Variants in PRR4 observed in about 807,000 individuals in gnomAD.
PRR4 encodes proline rich 4, also known as proline-rich protein 4.
A neutral mutation model predicts 7.6 loss-of-function variants in PRR4; 7 were observed. That is an observed-to-expected ratio of 0.92 (90% CI 0.52 to 1.73). The LOEUF is 1.73. PRR4 is among the 40% of genes most tolerant of loss of function. PRR4 has a pLI of 0.00. For synonymous variants in PRR4, 64 were observed against 58.5 expected (o/e 1.09, Z -0.43); for missense variants, 187 against 161.0 (o/e 1.16, Z -0.87).
rs774652428 is a variant in PRR4 at position 10,847,338 on chromosome 12, G to T, written c.130C>A (p.Gln44Lys). 6.4e-7 allele frequency: 1 copy of T among 1,556,652 alleles called. No homozygotes were observed. The highest frequency in any genetic ancestry group is 2.3e-5 in the East Asian group (1 of 44,124). ...DVEDSSQRPD[Q>K]GPQRPPPEGL... is the part of the protein sequence containing the mutation. The stretch of plus-strand genomic sequence containing the variant: ...TCAGGAGGAGGTCTCTGGGGTCCCT[G>T]ATCTGGTCTCTGACTTGAGTCCTCT... The change falls in exon 3 of 4, where the codon CAG (glutamine) becomes AAG (lysine). Residue 44 changes from glutamine to lysine, a missense_variant. By Grantham distance (53) the Gln-to-Lys change is moderately conservative. Transcript: ENST00000228811.
At chr12:10,848,612 T>C (rs1286535935) in intron 1 of PRR4, 1 of 474,408 alleles carries the variant, frequency 2.1e-6, no homozygotes, top group Non-Finnish European at 3.7e-6. Context: ...CAACCACGAA[T>C]TCAATAGAAG....
intron 3 of PRR4, 110 bp downstream of exon 3, chr12:10,846,935 G>C: frequency 1.0e-6 from 1 of 965,054 alleles, no homozygotes; most frequent in South Asian, 3.1e-5. Flanking sequence ...TTTAGAAATG[G>C]GGTCCAGGAT....
At chr12:10,848,544 G>T in intron 1 of PRR4, 137 bp from the exon 2 acceptor site, 1 of 698,356 alleles carries the variant, frequency 1.4e-6, no homozygotes, top group Non-Finnish European at 2.3e-6. Context: ...GTTCTGTGAA[G>T]CTGCTGGAAG....
Position 10,845,870 on chromosome 12 carries a change from T to C in PRR4, c.*99A>G, listed in dbSNP as rs1010731367. 9.1e-7 allele frequency: 1 copy of C among 1,102,402 alleles called. No homozygotes were observed. Among genetic ancestry groups the C allele is most frequent in the Non-Finnish European group, 1.2e-6 (1 of 838,694 alleles). 68.3% of individuals were successfully genotyped at this position (1,102,402 alleles called of 1,614,324 possible). A position where few individuals can be genotyped will look rare whatever the true frequency, so the allele number is the denominator to read the frequency against. On this transcript the variant is annotated 3_prime_UTR_variant, in exon 4 of 4. Coordinates refer to ENST00000228811, the MANE Select transcript of PRR4 (RefSeq NM_007244.3). ...GAAATTGCATGCTATTAATATTTTATTGGTATACTGAAGAAAGAGTTATGA... is the reference window on the plus strand; with the variant it reads ...GAAATTGCATGCTATTAATATTTTACTGGTATACTGAAGAAAGAGTTATGA...
chr12:10,847,994 G>A (rs1356155407), intron 2 of PRR4, among the ~76,000 whole-genome samples: 1 of 152,158 alleles, frequency 6.6e-6, no homozygotes, highest in Non-Finnish European at 1.5e-5. Context: ...GTTACTCCCT[G>A]AAGCCACATA....
At chr12:10,846,497 T>C (rs561547012) in intron 3 of PRR4, among the ~76,000 whole-genome samples, 66 of 152,336 alleles carry the variant, frequency 4.3e-4, no homozygotes, top group Non-Finnish European at 5.9e-4. Context: ...GGCGTCACTT[T>C]AAGATTTAGC....
rs1320666137 is a variant in PRR4 at position 10,847,172 on chromosome 12, T to G, written c.296A>C (p.His99Pro). 1.2e-6 allele frequency: 2 copies of G among 1,613,806 alleles called. No individual in the cohort carries two copies. The highest frequency in any genetic ancestry group is 3.3e-5 in the Admixed American group (2 of 59,994). The change falls in exon 3 of 4, where the codon CAC (histidine) becomes CCC (proline). Residue 99 changes from histidine (H) to proline (P), a missense_variant. His to Pro is a moderately conservative substitution (Grantham distance 77). Coordinates refer to ENST00000228811, the MANE Select transcript of PRR4 (RefSeq NM_007244.3). Reference protein sequence around the residue: ...QNQQRPPRRGHRQLSLPRFPS... With the variant: ...QNQQRPPRRGPRQLSLPRFPS... ...AAATCGGGGTAGAGAGAGTTGACGGTGTCCTCGTCGGGGTGGTCGTTGCTG... is the reference window on the plus strand; with the variant it reads ...AAATCGGGGTAGAGAGAGTTGACGGGGTCCTCGTCGGGGTGGTCGTTGCTG...
At chr12:10,848,522 C>T (rs1194245843) in intron 1 of PRR4, 115 bp from the exon 2 acceptor site, 1 of 908,438 alleles carries the variant, frequency 1.1e-6, no homozygotes, top group Non-Finnish European at 1.7e-6. Context: ...CCTAAGTTAC[C>T]TCATCAACCA....
rs867149853 is a variant in PRR4, at chr12:10,845,957, C to T, written c.*19-7G>A. 2.0e-4 allele frequency: 206 copies of T among 1,039,210 alleles called. 1 individual carries two copies. The Middle Eastern group carries it at 4.8e-3, about 24-fold the overall frequency. The allele number at this position is 1,039,210 out of a possible 1,614,324, so 64.4% of individuals were successfully genotyped here. A position where few individuals can be genotyped will look rare whatever the true frequency, so the allele number is the denominator to read the frequency against. ...TTATCTTCTTATTTATTTTCTGAAACAAAAAAAAAAACCAAGGAAATTTAT... is the reference window on the plus strand; with the variant it reads ...TTATCTTCTTATTTATTTTCTGAAATAAAAAAAAAAACCAAGGAAATTTAT... On this transcript the variant is annotated splice_polypyrimidine_tract_variant and splice_region_variant and intron_variant, in intron 3 of 3. Coordinates refer to ENST00000228811, the MANE Select transcript of PRR4 (RefSeq NM_007244.3).
chr12:10,849,467 C>A lies in PRR4; in HGVS notation c.-30G>T, dbSNP rs2135741675. 5 of 1,557,410 alleles carry A rather than the reference C, an allele frequency of 3.2e-6. No individual in the cohort carries two copies. Among genetic ancestry groups the A allele is most frequent in the South Asian group, 1.2e-5 (1 of 84,210 alleles). ...AAGGAGGCTCTGGAGTTGCTCCCAA[C>A]TCTGCGTTGAGAGAAACATGGCAGC... On this transcript the variant is annotated 5_prime_UTR_variant, in exon 1 of 4. Coordinates refer to ENST00000228811, the MANE Select transcript of PRR4 (RefSeq NM_007244.3).
intron 1 of PRR4, chr12:10,849,085 C>T (rs1949061320): frequency 5.9e-6 from 1 of 170,678 alleles, no homozygotes; most frequent in Non-Finnish European, 1.3e-5. Context: ...CACAGCACAG[C>T]CAGGTCTTTC....
chr12:10,848,340 A>C (rs373146126), intron 2 of PRR4, 32 bp downstream of exon 2: 44 of 1,580,948 alleles, frequency 2.8e-5, no homozygotes, highest in Non-Finnish European at 3.6e-5. Context: ...AAAAGAAAGA[A>C]AAGAATTGGA....
intron 1 of PRR4, chr12:10,848,807 G>A (rs1548804): frequency 0.79 from 142,716 of 180,504 alleles, 59,231 homozygotes; most frequent in East Asian, 0.93. Context: ...TCTTACACAT[G>A]CTGCCTGCAA....
intron 3 of PRR4, 33 bp from the exon 4 acceptor site, chr12:10,845,983 A>T: frequency 2.3e-6 from 3 of 1,293,408 alleles, no homozygotes; most frequent in Non-Finnish European, 3.0e-6. Flanking sequence ...GGAAATTTAT[A>T]CACAACATAC....
rs182143804 is a variant in PRR4, at chr12:10,847,944, G to A, written c.100+428C>T. On this transcript the variant is annotated intron_variant, in intron 2 of 3. Transcript: ENST00000228811. ...ACACAGCTGAGTGGGTCAACACAGAGAAAAGACATTCATGCAGTGATTTTT... is the reference window on the plus strand; with the variant it reads ...ACACAGCTGAGTGGGTCAACACAGAAAAAAGACATTCATGCAGTGATTTTT... 5.9e-5 allele frequency among the ~76,000 whole-genome samples: 9 copies of A among 152,324 alleles called. No homozygotes were observed. The East Asian group carries it at 1.7e-3, about 29-fold the overall frequency.
At position 10,845,859 on chromosome 12, in the gene PRR4, T is replaced by C. The variant is rs73048498; in HGVS notation, c.*110A>G. On this transcript the variant is annotated 3_prime_UTR_variant, in exon 4 of 4. Coordinates refer to ENST00000228811, the MANE Select transcript of PRR4 (RefSeq NM_007244.3). ...AGCAACAATCAGAAATTGCATGCTATTAATATTTTATTGGTATACTGAAGA... is the reference window on the plus strand; with the variant it reads ...AGCAACAATCAGAAATTGCATGCTACTAATATTTTATTGGTATACTGAAGA... 2.4e-3 allele frequency: 2,521 copies of C among 1,034,744 alleles called. 7 individuals are homozygous for C. The highest frequency in any genetic ancestry group is 3.0e-3 in the Non-Finnish European group (2,359 of 782,654). The allele number at this position is 1,034,744 out of a possible 1,614,324, so 64.1% of individuals were successfully genotyped here. A position where few individuals can be genotyped will look rare whatever the true frequency, so the allele number is the denominator to read the frequency against.
At position 10,847,064 on chromosome 12, in the gene PRR4, T is replaced by C. The variant is rs563006263; in HGVS notation, c.404A>G (p.Ter135=). 6.4e-7 allele frequency: 1 copy of C among 1,573,492 alleles called. No individual in the cohort carries two copies. Among genetic ancestry groups the C allele is most frequent in the Non-Finnish European group, 8.7e-7 (1 of 1,155,496 alleles). ...TCATACCTGCCACTGAATTCTAGAT[T>C]ACCAGAGTGGTTGCTCCTGGGGATG... ...ARHPQEQPLW[*] Residue 135 remains the stop codon, a stop_retained_variant, in exon 3 of 4, where the codon TAA becomes TGA. Coordinates refer to ENST00000228811, the MANE Select transcript of PRR4 (RefSeq NM_007244.3).
intron 2 of PRR4, 23 bp downstream of exon 2, chr12:10,848,349 G>C (rs1352631743): frequency 2.5e-6 from 4 of 1,592,576 alleles, no homozygotes; most frequent in Non-Finnish European, 3.4e-6. Flanking sequence ...AAAAGAATTG[G>C]ATTGAGGATC....
In PRR4 at chr12:10,847,045, C is replaced by T. The variant is rs1299026856; in HGVS notation, c.*18G>A. 5 of 1,543,606 alleles carry T rather than the reference C, an allele frequency of 3.2e-6. No individual in the cohort carries two copies. Among genetic ancestry groups the T allele is most frequent in the Admixed American group, 1.9e-5 (1 of 53,696 alleles). On this transcript the variant is annotated splice_region_variant and 3_prime_UTR_variant, in exon 3 of 4. Transcript: ENST00000228811. ...AATGGAGAATGAACTGGAATCATAC[C>T]TGCCACTGAATTCTAGATTACCAGA... is the stretch of plus-strand genomic sequence containing the variant.
Sources: gnomAD v4.1 joint callset for allele counts (sites outside exome capture counted in the v4.1 genomes callset) on GRCh38, gnomAD v4.1.1 for gene constraint, MANE v1.5 for transcripts, NCBI Gene and HGNC (gene_info 2026-07-23, HGNC 2026-07-21) for gene names.